Variants in RAB2A observed in about 807,000 individuals in gnomAD.
The protein encoded by RAB2A is RAB2A, member RAS oncogene family.
Under a neutral mutation model 32.5 loss-of-function variants are expected in RAB2A, and 7 were observed. The ratio of observed to expected loss-of-function variants is 0.22; its 90% CI spans 0.12 to 0.40. RAB2A has a LOEUF of 0.40. RAB2A is among the 10% of genes least tolerant of loss of function. The probability of loss-of-function intolerance (pLI) is 1.00; values close to 1 mark genes in which losing one functional copy is unlikely to be tolerated. For missense variants in RAB2A, 108 were observed against 260.7 expected (o/e 0.41, Z 4.03); for synonymous variants, 79 against 85.2 (o/e 0.93, Z 0.40).
chr8:60,590,563 A>G (rs1586101504), intron 5 of RAB2A, among the ~76,000 whole-genome samples: 1 of 144,572 alleles, frequency 6.9e-6, no homozygotes, highest in African/African-American at 2.5e-5. Context: ...TATGTAAAAT[A>G]CATATATTTT....
chr8:60,560,748 G>GT (rs56360493), intron 2 of RAB2A, among the ~76,000 whole-genome samples: 56,319 of 144,236 alleles, frequency 0.39, 10,718 homozygotes, highest in East Asian at 0.55. Flanking sequence ...TTTGTTTTTT[G>GT]TTTTTTTTTT....
chr8:60,573,893 C>T (rs897215176), intron 3 of RAB2A, among the ~76,000 whole-genome samples: 7 of 152,230 alleles, frequency 4.6e-5, no homozygotes, highest in African/African-American at 1.7e-4. Context: ...AGCAGTCCTC[C>T]CACTTCAGTC....
At position 60,523,691 on chromosome 8, in the gene RAB2A, CA is replaced by C. The variant is rs780792272; in HGVS notation, c.46+6439del. ...TAGATGATATACTTTTGTTAACCTT[CA>C]TTTTTTTTTTTTTTTTTGAGACAAG... On this transcript the variant is annotated intron_variant, in intron 1 of 7. Coordinates refer to ENST00000262646, the MANE Select transcript of RAB2A (RefSeq NM_002865.3). 1.5e-3 allele frequency among the ~76,000 whole-genome samples: 215 copies of C among 147,130 alleles called. 3 individuals carry two copies. The South Asian group carries it at 0.021, about 14-fold the overall frequency.
intron 1 of RAB2A, among the ~76,000 whole-genome samples, chr8:60,519,683 T>C (rs1210528145): frequency 6.6e-6 from 1 of 152,234 alleles, no homozygotes; most frequent in Non-Finnish European, 1.5e-5. Flanking sequence ...TATATACTTC[T>C]TGAAGTCAGA....
At chr8:60,563,682 T>G (rs1280176296) in intron 2 of RAB2A, among the ~76,000 whole-genome samples, 2 of 152,236 alleles carry the variant, frequency 1.3e-5, no homozygotes, top group African/African-American at 2.4e-5. Context: ...GAATTTAGTT[T>G]CATGCATTTG....
At chr8:60,567,794 T>G (rs983755677) in intron 2 of RAB2A, among the ~76,000 whole-genome samples, 8 of 152,050 alleles carry the variant, frequency 5.3e-5, no homozygotes, top group Non-Finnish European at 7.3e-5. Context: ...ATTTTGCATG[T>G]TCTAGGTAGA....
intron 1 of RAB2A, among the ~76,000 whole-genome samples, chr8:60,535,398 C>CTG (rs1442437964): frequency 6.6e-6 from 1 of 152,094 alleles, no homozygotes; most frequent in Non-Finnish European, 1.5e-5. Flanking sequence ...CTCTATAAGC[C>CTG]TGTGTGTGTG....
At chr8:60,603,982 T>G (rs1399170174) in intron 6 of RAB2A, among the ~76,000 whole-genome samples, 1 of 152,214 alleles carries the variant, frequency 6.6e-6, no homozygotes, top group African/African-American at 2.4e-5. Flanking sequence ...AAATCTCATA[T>G]TGAATTCTAA....
intron 3 of RAB2A, 22 bp downstream of exon 3, chr8:60,572,135 T>C (rs1473216485): frequency 1.3e-6 from 2 of 1,524,996 alleles, no homozygotes; most frequent in Non-Finnish European, 1.8e-6. Context: ...AAAAGTGCAC[T>C]GTATGATCTC....
At chr8:60,538,722 C>A (rs1251190457) in intron 1 of RAB2A, among the ~76,000 whole-genome samples, 1 of 152,148 alleles carries the variant, frequency 6.6e-6, no homozygotes, top group African/African-American at 2.4e-5. Context: ...TGAAGGAGTG[C>A]TGGGGGCAGA....
intron 2 of RAB2A, among the ~76,000 whole-genome samples, chr8:60,562,667 A>G (rs1020733373): frequency 6.6e-6 from 1 of 152,220 alleles, no homozygotes; most frequent in African/African-American, 2.4e-5. Flanking sequence ...TCTGAAGCAA[A>G]CAGAATATTT....
chr8:60,550,410 G>A lies in RAB2A; in HGVS notation c.47-8442G>A, dbSNP rs376949683. Among the ~76,000 whole-genome samples the A allele has an allele frequency of 4.0e-5, 6 of 151,408 alleles. No individual in the cohort carries two copies. The South Asian group carries it at 1.0e-3, about 26-fold the overall frequency. ...TTTGTCTTTTTTTTTTTTGAGGCAGGGTCTCACTCCATCATCCAGGCTGAA... is the reference window on the plus strand; with the variant it reads ...TTTGTCTTTTTTTTTTTTGAGGCAGAGTCTCACTCCATCATCCAGGCTGAA... On this transcript the variant is annotated intron_variant, in intron 1 of 7. Transcript: ENST00000262646.
intron 1 of RAB2A, among the ~76,000 whole-genome samples, chr8:60,546,891 CTTTT>C (rs6150606): frequency 2.5e-4 from 25 of 98,924 alleles, no homozygotes; most frequent in Admixed American, 1.8e-3. Context: ...TTTTTTGGGT[CTTTT>C]TTTTTTTTTT....
intron 1 of RAB2A, among the ~76,000 whole-genome samples, chr8:60,531,653 C>T (rs78916541): frequency 1.5e-3 from 224 of 152,190 alleles, no homozygotes; most frequent in African/African-American, 5.2e-3. Flanking sequence ...ATTCTATTGT[C>T]CTCCATGACT....
In RAB2A at chr8:60,609,780, G is replaced by A. The variant is rs186053289; in HGVS notation, c.475-8800G>A. Among the ~76,000 whole-genome samples, 97 of 151,830 alleles carry A rather than the reference G, an allele frequency of 6.4e-4. 1 individual carries two copies. The South Asian group carries it at 0.014, about 22-fold the overall frequency. ...CAGGAGTTTGAGACCAGCCTGGCCC[G>A]CATGGCAAAACCTCATCTCTACAAA... is the stretch of plus-strand genomic sequence containing the variant. On this transcript the variant is annotated intron_variant, in intron 6 of 7. Transcript: ENST00000262646.
At chr8:60,558,978 A>ACCTTCTAGCATTTTCCATTT in intron 2 of RAB2A, 55 bp downstream of exon 2, 1 of 1,303,404 alleles carries the variant, frequency 7.7e-7, no homozygotes, top group Non-Finnish European at 1.1e-6. Flanking sequence ...GTTTAAATGG[A>ACCTTCTAGCATTTTCCATTT]AAATGCTAGA....
At position 60,577,792 on chromosome 8, in the gene RAB2A, A is replaced by ATTTT. The variant is rs3055112; in HGVS notation, c.186+5699_186+5702dup. Among the ~76,000 whole-genome samples, 178 of 112,926 alleles carry ATTTT rather than the reference A, an allele frequency of 1.6e-3. 2 individuals carry two copies. The highest frequency in any genetic ancestry group is 7.6e-3 in the East Asian group (28 of 3,690). 74.1% of individuals were successfully genotyped at this position (112,926 alleles called of 152,430 possible). ...AGGTGCCCGCCACCACGCCCGGCTA[A>ATTTT]TTTTTTTTTTTTTTTTTTTTTTTGG... On this transcript the variant is annotated intron_variant, in intron 3 of 7. Transcript: ENST00000262646.
chr8:60,551,330 G>A (rs1461844634), intron 1 of RAB2A, among the ~76,000 whole-genome samples: 5 of 152,206 alleles, frequency 3.3e-5, no homozygotes, highest in Non-Finnish European at 7.3e-5. Context: ...TGTGGCTAAT[G>A]CTGAAAATGA....
At chr8:60,520,450 C>G (rs768492281) in intron 1 of RAB2A, among the ~76,000 whole-genome samples, 1 of 152,180 alleles carries the variant, frequency 6.6e-6, no homozygotes, top group Non-Finnish European at 1.5e-5. Context: ...TTCTGAAATT[C>G]TAGCATCTGC....
Sources: gnomAD v4.1 joint callset for allele counts (sites outside exome capture counted in the v4.1 genomes callset) on GRCh38, gnomAD v4.1.1 for gene constraint, MANE v1.5 for transcripts, NCBI Gene and HGNC (gene_info 2026-07-23, HGNC 2026-07-21) for gene names.